The following TIAM1 variants were observed in gnomAD, a reference collection of about 807,000 sequenced individuals.
TIAM1 encodes rho guanine nucleotide exchange factor TIAM1.
A neutral mutation model predicts 163.5 loss-of-function variants in TIAM1; 65 were observed. That is an observed-to-expected ratio of 0.40 (90% CI 0.33 to 0.49). The LOEUF is 0.49. TIAM1 is among the 20% of genes least tolerant of loss of function. The pLI, the probability that TIAM1 is intolerant of heterozygous loss-of-function variation, is 0.77. For synonymous variants in TIAM1, 833 were observed against 810.1 expected (o/e 1.03, Z -0.48); for missense variants, 1,789 against 2,044.7 (o/e 0.87, Z 2.41).
intron 8 of TIAM1, among the ~76,000 whole-genome samples, chr21:31,221,919 G>GT (rs2087585119): frequency 6.6e-6 from 1 of 152,120 alleles, no homozygotes; most frequent in Non-Finnish European, 1.5e-5. Flanking sequence ...AACTGAAAAC[G>GT]TTTTGTAAGT....
At chr21:31,325,140 C>T (rs562319048) in intron 2 of TIAM1, among the ~76,000 whole-genome samples, 4 of 150,704 alleles carry the variant, frequency 2.7e-5, no homozygotes, top group Admixed American at 1.3e-4. Flanking sequence ...AAAAATTAGC[C>T]AGGAATGGTG....
At position 31,141,304 on chromosome 21, in the gene TIAM1, G is replaced by T; in HGVS notation, c.3655+21C>A. The T allele has an allele frequency of 6.2e-7, 1 of 1,613,746 alleles. No individual in the cohort carries two copies. Among genetic ancestry groups the T allele is most frequent in the Middle Eastern group, 1.7e-4 (1 of 6,058 alleles). ...CCTCATGGAGACTCAGGCCTGCCGG[G>T]GGTCCCAGGCCGAGGCCTACCGTCC... is the stretch of plus-strand genomic sequence containing the variant. On this transcript the variant is annotated intron_variant, in intron 21 of 27. Transcript: ENST00000541036. This position sits in a 1 kb window ranked among gnomAD's most constrained non-coding sequence, Gnocchi z 4.7.
upstream of TIAM1, among the ~76,000 whole-genome samples, chr21:31,346,871 T>C (rs900059954): frequency 3.3e-5 from 5 of 152,134 alleles, no homozygotes; most frequent in Non-Finnish European, 7.3e-5. Flanking sequence ...TAAGAAGGTT[T>C]CTTTTAGCTC....
intron 4 of TIAM1, among the ~76,000 whole-genome samples, chr21:31,254,140 G>A (rs937279958): frequency 6.6e-6 from 1 of 152,192 alleles, no homozygotes; most frequent in Non-Finnish European, 1.5e-5. Context: ...AGCTACACAG[G>A]TAACATCCCT....
At chr21:31,331,096 C>T (rs1333163444) in intron 2 of TIAM1, among the ~76,000 whole-genome samples, 1 of 152,028 alleles carries the variant, frequency 6.6e-6, no homozygotes, top group Admixed American at 6.6e-5. Context: ...ACTGTTGTGA[C>T]ATACAGAGCC....
At position 31,545,715 on chromosome 21, in the gene TIAM1, T is replaced by C. The variant is rs748761182; in HGVS notation, c.-422+13212A>G. Among the ~76,000 whole-genome samples, 39 of 152,202 alleles carry C rather than the reference T, an allele frequency of 2.6e-4. 1 individual carries two copies. Among genetic ancestry groups the C allele is most frequent in the Non-Finnish European group, 4.1e-4 (28 of 68,034 alleles). ...TCCATTAATAGCGCTAATCCTTCCA[T>C]TGAGATTTAATCACTGGGCTCCTCT... On this transcript the variant is annotated intron_variant, in intron 1 of 28. Transcript: ENST00000286827.
chr21:31,134,394 C>G (rs1477233290), intron 23 of TIAM1, among the ~76,000 whole-genome samples: 1 of 152,198 alleles, frequency 6.6e-6, no homozygotes, highest in Non-Finnish European at 1.5e-5. Flanking sequence ...AAAGCAAATA[C>G]TACTTCCCCC....
intron 2 of TIAM1, among the ~76,000 whole-genome samples, chr21:31,438,125 A>G (rs917972320): frequency 6.6e-6 from 1 of 151,210 alleles, no homozygotes; most frequent in Non-Finnish European, 1.5e-5. Context: ...AAAGGTCCCA[A>G]GACGTGACCA....
intron 12 of TIAM1, among the ~76,000 whole-genome samples, chr21:31,198,562 A>G (rs1053648692): frequency 6.6e-5 from 10 of 152,242 alleles, no homozygotes; most frequent in African/African-American, 2.4e-4. Flanking sequence ...TAAGGTTTAC[A>G]ATGTATAACC....
intron 2 of TIAM1, among the ~76,000 whole-genome samples, chr21:31,371,949 C>T (rs186054565): frequency 4.4e-4 from 67 of 152,250 alleles, no homozygotes; most frequent in African/African-American, 1.5e-3. Context: ...TGGGTTCTTC[C>T]CAAAGTGAAC....
At chr21:31,345,441 A>G (rs1238554256), upstream of TIAM1, among the ~76,000 whole-genome samples, 1 of 150,566 alleles carries the variant, frequency 6.6e-6, no homozygotes, top group Non-Finnish European at 1.5e-5. Flanking sequence ...ATGTATATAT[A>G]TCCATATATA....
At chr21:31,278,837 GCT>G (rs997449336) in intron 2 of TIAM1, among the ~76,000 whole-genome samples, 3 of 152,004 alleles carry the variant, frequency 2.0e-5, no homozygotes, top group African/African-American at 7.3e-5. Flanking sequence ...TCCTTAAACG[GCT>G]CTCTGCGAAT....
chr21:31,250,163 A>AAG (rs1379444622), intron 5 of TIAM1, among the ~76,000 whole-genome samples: 9 of 147,734 alleles, frequency 6.1e-5, no homozygotes, highest in African/African-American at 2.4e-4. Flanking sequence ...AAAAAAAAAA[A>AAG]AAAAAAAAGA....
intron 2 of TIAM1, among the ~76,000 whole-genome samples, chr21:31,383,281 A>C (rs1218741409): frequency 2.0e-5 from 3 of 152,186 alleles, no homozygotes; most frequent in Non-Finnish European, 4.4e-5. Flanking sequence ...TAAATTCAGA[A>C]TACTTAAAAG....
chr21:31,329,823 A>G (rs145582016), intron 2 of TIAM1, among the ~76,000 whole-genome samples: 1,640 of 152,322 alleles, frequency 0.011, 18 homozygotes, highest in Non-Finnish European at 0.017. Flanking sequence ...TGTCATGAGT[A>G]GAATGCAGTG....
rs1204622147 is a variant in TIAM1, at chr21:31,310,845, T to C, written c.-189+28398A>G. The stretch of plus-strand genomic sequence containing the variant: ...AGAAGGATGGCACTAACAACCGTCA[T>C]TGAGGAAAATCATGTAAGGCAGGAT... On this transcript the variant is annotated intron_variant, in intron 2 of 27. Coordinates refer to ENST00000541036, the MANE Select transcript of TIAM1 (RefSeq NM_001353694.2). Among the ~76,000 whole-genome samples, 6 of 152,206 alleles carry C rather than the reference T, an allele frequency of 3.9e-5. No individual in the cohort carries two copies. The East Asian group carries it at 5.8e-4, about 15-fold the overall frequency.
At chr21:31,207,200 C>T (rs2086494004) in intron 11 of TIAM1, among the ~76,000 whole-genome samples, 1 of 152,184 alleles carries the variant, frequency 6.6e-6, no homozygotes, top group Non-Finnish European at 1.5e-5. Flanking sequence ...AACATGGTTA[C>T]CTGCTATATT....
chr21:31,390,141 C>A (rs1023655507), intron 2 of TIAM1, among the ~76,000 whole-genome samples: 3 of 152,148 alleles, frequency 2.0e-5, no homozygotes, highest in African/African-American at 7.2e-5. Context: ...TTCCTCAGTA[C>A]CCACTTTGTG....
At chr21:31,291,018 C>A (rs2074000003) in intron 2 of TIAM1, among the ~76,000 whole-genome samples, 1 of 152,106 alleles carries the variant, frequency 6.6e-6, no homozygotes, top group South Asian at 2.1e-4. Context: ...TATCCCTTCA[C>A]CAGTAGTTAA....
Sources: allele counts gnomAD v4.1 joint callset (sites outside exome capture counted in the v4.1 genomes callset), GRCh38; gene constraint gnomAD v4.1.1; non-coding constraint Gnocchi (gnomAD v3.1); transcripts MANE v1.5; gene names NCBI Gene and HGNC (gene_info 2026-07-23, HGNC 2026-07-21).